RER1: variants seen among roughly 807,000 people sequenced by gnomAD.
The protein encoded by RER1 is protein RER1.
RER1 carries 6 observed loss-of-function variants against 28.3 expected under a neutral mutation model. That is an observed-to-expected ratio of 0.21 (90% CI 0.12 to 0.42). The LOEUF is 0.42. RER1 is among the 10% of genes least tolerant of loss of function. The probability of loss-of-function intolerance (pLI) is 1.00; values close to 1 mark genes in which losing one functional copy is unlikely to be tolerated. For missense variants in RER1, 159 were observed against 252.9 expected, an observed-to-expected ratio of 0.63 and a Z score of 2.52; for synonymous variants, 110 against 95.9, an observed-to-expected ratio of 1.15 and a Z score of -0.86.
intron 1 of RER1, among the ~76,000 whole-genome samples, chr1:2,393,426 G>A (rs1642719996): frequency 6.6e-6 from 1 of 152,180 alleles, no homozygotes; most frequent in African/African-American, 2.4e-5. Context: ...GTCAGTGTGG[G>A]CGGTAACGGA....
intron 3 of RER1, among the ~76,000 whole-genome samples, chr1:2,398,962 C>T (rs770185551): frequency 1.3e-5 from 2 of 152,226 alleles, no homozygotes; most frequent in Non-Finnish European, 2.9e-5. Context: ...AGCCAGCACG[C>T]CTCCAGTCAC....
chr1:2,395,708 T>C (rs1231885518), intron 1 of RER1, 76 bp from the exon 2 acceptor site: 4 of 968,610 alleles, frequency 4.1e-6, no homozygotes, highest in Non-Finnish European at 5.0e-6. Flanking sequence ...TACTTGACAG[T>C]GTTGGTGAAA....
At chr1:2,392,687 A>G (rs1242716328) in intron 1 of RER1, among the ~76,000 whole-genome samples, 1 of 152,168 alleles carries the variant, frequency 6.6e-6, no homozygotes, top group Non-Finnish European at 1.5e-5. Context: ...AGTTGAGTTG[A>G]CATTTCCCAG....
chr1:2,401,818 A>T (rs2100408758), intron 5 of RER1: 1 of 524,498 alleles, frequency 1.9e-6, no homozygotes, highest in African/African-American at 1.9e-5. Flanking sequence ...CTGGGACGGG[A>T]GGGAGCACTG....
rs985111070 is a variant in RER1, at chr1:2,405,301, CT to C, written c.*2178del. 1.2e-4 allele frequency: 37 copies of C among 318,488 alleles called. No homozygotes were observed. Among genetic ancestry groups the C allele is most frequent in the African/African-American group, 7.0e-4 (32 of 45,924 alleles). 19.7% of individuals were successfully genotyped at this position (318,488 alleles called of 1,614,324 possible). ...TGGGGCCGTGGGGCTGCTGTTCTCA[CT>C]GCACTGGCTGAAGCAACCCGCCAGC... On this transcript the variant is annotated 3_prime_UTR_variant, in exon 7 of 7. Transcript: ENST00000605895.
intron 5 of RER1, 134 bp from the exon 6 acceptor site, chr1:2,402,073 A>C (rs1313501051): frequency 6.3e-7 from 1 of 1,596,216 alleles, no homozygotes; most frequent in African/African-American, 1.3e-5. Context: ...TGCTGTGCCC[A>C]GGGTAGACCC....
chr1:2,402,571 C>CT (rs1207512375), intron 6 of RER1, among the ~76,000 whole-genome samples: 5 of 152,156 alleles, frequency 3.3e-5, no homozygotes, highest in Non-Finnish European at 5.9e-5. Context: ...TTGGTGGAAA[C>CT]TTTGTGGAAG....
chr1:2,393,455 G>A (rs1337317129), intron 1 of RER1, among the ~76,000 whole-genome samples: 2 of 152,180 alleles, frequency 1.3e-5, no homozygotes, highest in African/African-American at 2.4e-5. Flanking sequence ...AAGAGGAGGT[G>A]GGCTTCAAAC....
At chr1:2,394,511 G>A (rs780072906) in intron 1 of RER1, 7 of 152,256 alleles carry the variant, frequency 4.6e-5, no homozygotes, top group Admixed American at 6.5e-5. Context: ...TGCCCACTGC[G>A]AACATGCTGA....
chr1:2,401,937 CA>C, intron 5 of RER1: 1 of 1,359,336 alleles, frequency 7.4e-7, no homozygotes, highest in Non-Finnish European at 9.8e-7. Context: ...CCCCCAGCCT[CA>C]GTACTGATGC....
intron 1 of RER1, 115 bp from the exon 2 acceptor site, chr1:2,395,669 T>C (rs958170537): frequency 5.2e-6 from 4 of 762,024 alleles, no homozygotes; most frequent in Non-Finnish European, 9.2e-6. Context: ...AAATGGTATA[T>C]GGACAAAATA....
At chr1:2,396,252 G>A (rs963354347) in intron 2 of RER1, 4 of 265,942 alleles carry the variant, frequency 1.5e-5, no homozygotes, top group Non-Finnish European at 3.0e-5. Context: ...TCAGCTCGGC[G>A]GTTCTGTCCT....
chr1:2,397,086 C>A, intron 2 of RER1, 30 bp from the exon 3 acceptor site: 2 of 1,493,912 alleles, frequency 1.3e-6, no homozygotes, highest in African/African-American at 1.4e-5. Flanking sequence ...ACAGGACCTG[C>A]TTCATGCTTT....
In RER1 at chr1:2,405,004, C is replaced by T. The variant is rs1642950058; in HGVS notation, c.*1880C>T. On this transcript the variant is annotated 3_prime_UTR_variant, in exon 7 of 7. Coordinates refer to ENST00000605895, the MANE Select transcript of RER1 (RefSeq NM_007033.5). ...GCCCAGCAGGCCCCCCAGGAGAGGG[C>T]TCGGGCGCCCCTGGCAGCCCCCATA... 6.5e-6 allele frequency: 1 copy of T among 154,848 alleles called. No individual in the cohort carries two copies. The highest frequency in any genetic ancestry group is 1.4e-5 in the Non-Finnish European group (1 of 69,542). The allele number at this position is 154,848 out of a possible 1,614,324, so 9.6% of individuals were successfully genotyped here.
intron 4 of RER1, 48 bp from the exon 5 acceptor site, chr1:2,400,809 A>G: frequency 6.9e-7 from 1 of 1,446,740 alleles, no homozygotes; most frequent in Non-Finnish European, 9.7e-7. Context: ...TAGAACTGTG[A>G]TGGGAATGAA....
At chr1:2,402,732 C>T (rs937804817) in intron 6 of RER1, among the ~76,000 whole-genome samples, 4 of 152,198 alleles carry the variant, frequency 2.6e-5, no homozygotes, top group African/African-American at 7.2e-5. Context: ...CTTCGTGCTG[C>T]GGGCCTCACT....
At chr1:2,399,814 C>T (rs998122043) in intron 4 of RER1, among the ~76,000 whole-genome samples, 8 of 152,280 alleles carry the variant, frequency 5.3e-5, no homozygotes, top group Non-Finnish European at 1.2e-4. Flanking sequence ...GTGGACAGTC[C>T]GACTCCAGCC....
At chr1:2,400,563 C>T (rs1407743843) in intron 4 of RER1, among the ~76,000 whole-genome samples, 1 of 152,210 alleles carries the variant, frequency 6.6e-6, no homozygotes, top group Non-Finnish European at 1.5e-5. Flanking sequence ...TTGTTTTCTT[C>T]TGTGCCTTTA....
intron 1 of RER1, among the ~76,000 whole-genome samples, chr1:2,393,428 G>A (rs377325657): frequency 2.6e-5 from 4 of 152,140 alleles, no homozygotes; most frequent in Middle Eastern, 3.2e-3. Flanking sequence ...CAGTGTGGGC[G>A]GTAACGGAGG....
Sources: gnomAD v4.1 joint callset for allele counts (sites outside exome capture counted in the v4.1 genomes callset) on GRCh38, gnomAD v4.1.1 for gene constraint, MANE v1.5 for transcripts, NCBI Gene and HGNC (gene_info 2026-07-23, HGNC 2026-07-21) for gene names.